Variants in SCN9A observed in about 807,000 individuals in gnomAD.
SCN9A encodes the protein sodium voltage-gated channel alpha subunit 9, also known as sodium channel protein type 9 subunit alpha.
SCN9A carries 131 observed loss-of-function variants against 187.0 expected under a neutral mutation model. That is an observed-to-expected ratio of 0.70 (90% confidence interval 0.61 to 0.81). The LOEUF (loss-of-function observed/expected upper bound fraction) is 0.81, where lower values mean the gene tolerates loss of function less well. Among genes scored for constraint, SCN9A ranks in the 30% least tolerant of loss-of-function variants. The probability of loss-of-function intolerance (pLI) is 0.00; values close to 1 mark genes in which losing one functional copy is unlikely to be tolerated. For synonymous variants in SCN9A, 809 were observed against 808.6 expected, an observed-to-expected ratio of 1.00 and a Z score of -0.01; for missense variants, 2,252 against 2,396.6, an observed-to-expected ratio of 0.94 and a Z score of 1.26.
chr2:166,221,983 T>A (rs1558960067), intron 24 of SCN9A, among the ~76,000 whole-genome samples: 1 of 152,110 alleles, frequency 6.6e-6, no homozygotes. Flanking sequence ...AGATTAAACA[T>A]TTAAACCTAA....
chr2:166,283,471 C>T (rs1697585277), intron 12 of SCN9A, among the ~76,000 whole-genome samples: 1 of 152,238 alleles, frequency 6.6e-6, no homozygotes, highest in East Asian at 1.9e-4. Flanking sequence ...AAAGCCCTTG[C>T]TGATATTGGT....
At chr2:166,236,066 T>A (rs1460992078) in intron 20 of SCN9A, among the ~76,000 whole-genome samples, 3 of 152,122 alleles carry the variant, frequency 2.0e-5, no homozygotes, top group Non-Finnish European at 4.4e-5. Context: ...TATAATTTTT[T>A]AAGAGAGAGA....
Position 166,284,829 on chromosome 2 carries a change from A to C in SCN9A, c.1603-5T>G. 6.3e-7 allele frequency: 1 copy of C among 1,592,038 alleles called. No individual in the cohort carries two copies. Among genetic ancestry groups the C allele is most frequent in the Non-Finnish European group, 8.5e-7 (1 of 1,172,480 alleles). ...GCCACGAATGCTGAGTGGTGACTGCAGAAAAATTAAAAAAAACGTGGTTGC... is the reference window on the plus strand; with the variant it reads ...GCCACGAATGCTGAGTGGTGACTGCCGAAAAATTAAAAAAAACGTGGTTGC... On this transcript the variant is annotated splice_polypyrimidine_tract_variant and splice_region_variant and intron_variant, in intron 11 of 26. Transcript: ENST00000642356.
intron 1 of SCN9A, among the ~76,000 whole-genome samples, chr2:166,315,551 G>C (rs1456493862): frequency 6.6e-6 from 1 of 152,214 alleles, no homozygotes; most frequent in Non-Finnish European, 1.5e-5. Flanking sequence ...CATGATCTGT[G>C]AAATGGAAGT....
At chr2:166,352,012 T>G (rs561260903) in intron 1 of SCN9A, among the ~76,000 whole-genome samples, 55 of 152,290 alleles carry the variant, frequency 3.6e-4, no homozygotes, top group African/African-American at 1.3e-3. Flanking sequence ...TAGACTTCCC[T>G]ATTGTCTTCA....
In SCN9A at chr2:166,284,571, T is replaced by G. The variant is rs757910184; in HGVS notation, c.1856A>C (p.His619Pro). The G allele has an allele frequency of 1.2e-5, 20 of 1,614,158 alleles. No homozygotes were observed. Among genetic ancestry groups the G allele is most frequent in the Non-Finnish European group, 1.7e-5 (20 of 1,179,996 alleles). Residue 619 changes from histidine (H) to proline (P), a missense_variant, in exon 12 of 27, where the codon CAC becomes CCC. His to Pro is a moderately conservative substitution (Grantham distance 77). Transcript: ENST00000642356. ...PPMLPVNGKM[H>P]SAVDCNGVVS... is the part of the protein sequence containing the mutation. ...CACACCGTTGCAGTCCACAGCACTGTGCATTTTCCCGTTCACCGGCAGCAT... is the reference window on the plus strand; with the variant it reads ...CACACCGTTGCAGTCCACAGCACTGGGCATTTTCCCGTTCACCGGCAGCAT...
intron 24 of SCN9A, chr2:166,205,016 C>T (rs1558946313): frequency 3.9e-5 from 6 of 152,136 alleles, no homozygotes; most frequent in Admixed American, 1.3e-4. Flanking sequence ...AAAGAGGACA[C>T]AAACAAATGG....
intron 1 of SCN9A, among the ~76,000 whole-genome samples, chr2:166,327,674 C>CCT (rs10696005): frequency 0.71 from 107,929 of 151,874 alleles, 39,564 homozygotes; most frequent in African/African-American, 0.89. Flanking sequence ...TCTATACAAT[C>CCT]CTCTTTCCTC....
At chr2:166,222,382 C>T (rs1405868853) in intron 24 of SCN9A, among the ~76,000 whole-genome samples, 1 of 152,196 alleles carries the variant, frequency 6.6e-6, no homozygotes, top group East Asian at 1.9e-4. Flanking sequence ...GTTATCCCAG[C>T]ACTTTGGGAG....
intron 5 of SCN9A, 44 bp downstream of exon 5, chr2:166,305,748 A>T (rs372665054): frequency 3.0e-5 from 49 of 1,612,420 alleles, no homozygotes; most frequent in Non-Finnish European, 4.1e-5. Context: ...GTGCTGCCTG[A>T]GATTTTCATA....
intron 5 of SCN9A, among the ~76,000 whole-genome samples, 167 bp downstream of exon 5, chr2:166,305,625 T>A (rs1241562036): frequency 6.6e-6 from 1 of 151,960 alleles, no homozygotes; most frequent in Non-Finnish European, 1.5e-5. Flanking sequence ...TTTTGAAAAA[T>A]TTAGTATTTG....
intron 1 of SCN9A, among the ~76,000 whole-genome samples, chr2:166,368,963 G>A (rs1047812270): frequency 5.3e-5 from 8 of 151,506 alleles, no homozygotes; most frequent in African/African-American, 1.9e-4. Flanking sequence ...CTCCAGCCTG[G>A]GCAACAAGAG....
chr2:166,260,924 GA>G (rs1326539705), intron 17 of SCN9A, among the ~76,000 whole-genome samples: 2 of 151,630 alleles, frequency 1.3e-5, no homozygotes, highest in Non-Finnish European at 2.9e-5. Flanking sequence ...AGTTTTTGCA[GA>G]TTAAAAATGG....
At chr2:166,320,686 G>C (rs1480093131) in intron 1 of SCN9A, among the ~76,000 whole-genome samples, 4 of 152,032 alleles carry the variant, frequency 2.6e-5, no homozygotes, top group Non-Finnish European at 5.9e-5. Context: ...TTGAGATGTG[G>C]GCATTACATG....
At chr2:166,203,655 A>T (rs747371453) in intron 26 of SCN9A, among the ~76,000 whole-genome samples, 1 of 151,984 alleles carries the variant, frequency 6.6e-6, no homozygotes, top group Non-Finnish European at 1.5e-5. Flanking sequence ...TCCAAGACAC[A>T]GCTATATATA....
chr2:166,325,014 G>A (rs1231745265), intron 1 of SCN9A, among the ~76,000 whole-genome samples: 5 of 152,084 alleles, frequency 3.3e-5, no homozygotes, highest in South Asian at 2.1e-4. Flanking sequence ...TGACAAATGC[G>A]CCATACTAAT....
chr2:166,239,975 C>T (rs1167605528), intron 19 of SCN9A, among the ~76,000 whole-genome samples: 1 of 152,174 alleles, frequency 6.6e-6, no homozygotes, highest in Non-Finnish European at 1.5e-5. Flanking sequence ...TTTACTGTTA[C>T]TAAATTCAGT....
intron 17 of SCN9A, among the ~76,000 whole-genome samples, chr2:166,268,260 T>C (rs1696826982): frequency 1.3e-5 from 2 of 152,022 alleles, no homozygotes; most frequent in Admixed American, 6.6e-5. Context: ...GAGGCAAATA[T>C]TCTATCTTAA....
Position 166,199,573 on chromosome 2 carries a change from A to T in SCN9A, c.5066T>A (p.Ile1689Asn), listed in dbSNP as rs774583593. The T allele has an allele frequency of 6.2e-7, 1 of 1,614,194 alleles. No homozygotes were observed. Among genetic ancestry groups the T allele is most frequent in the Non-Finnish European group, 8.5e-7 (1 of 1,180,040 alleles). Reference sequence around the variant, plus strand: ...AGAGGTTGTAATTTGGAACAGGCAAATCATACTGTTGCCAAAGGTCTCAAA... The same window carrying T: ...AGAGGTTGTAATTTGGAACAGGCAATTCATACTGTTGCCAAAGGTCTCAAA... The part of the protein sequence containing the change: ...FNFETFGNSM[I>N]CLFQITTSAG... The change falls in exon 27 of 27, where the codon ATT (isoleucine) becomes AAT (asparagine). Residue 1689 changes from isoleucine (I) to asparagine (N), a missense_variant. By Grantham distance (149) the Ile-to-Asn change is moderately radical. Coordinates refer to ENST00000642356, the MANE Select transcript of SCN9A (RefSeq NM_001365536.1).
Sources: allele counts gnomAD v4.1 joint callset (sites outside exome capture counted in the v4.1 genomes callset), GRCh38; gene constraint gnomAD v4.1.1; transcripts MANE v1.5; gene names NCBI Gene and HGNC (gene_info 2026-07-23, HGNC 2026-07-21).